Variants in ERC1 observed in about 807,000 individuals in gnomAD.
The protein encoded by ERC1 is ELKS/RAB6-interacting/CAST family member 1.
ERC1 carries 56 observed loss-of-function variants against 132.0 expected under a neutral mutation model. The ratio of observed to expected loss-of-function variants is 0.42; its 90% confidence interval spans 0.34 to 0.53. The LOEUF (loss-of-function observed/expected upper bound fraction) is 0.53, where lower values mean the gene tolerates loss of function less well. Among genes scored for constraint, ERC1 ranks in the 20% least tolerant of loss-of-function variants. ERC1 has a pLI of 0.03. For synonymous variants in ERC1, 478 were observed against 476.1 expected, an observed-to-expected ratio of 1.00 and a Z score of -0.05; for missense variants, 1,202 against 1,349.9, an observed-to-expected ratio of 0.89 and a Z score of 1.72.
chr12:1,381,543 T>A (rs2088669810), intron 16 of ERC1, among the ~76,000 whole-genome samples: 1 of 152,196 alleles, frequency 6.6e-6, no homozygotes, highest in Admixed American at 6.5e-5. Flanking sequence ...GTTAATCTTT[T>A]AAAAATTATT....
At chr12:1,013,952 T>C (rs1224108866) in intron 1 of ERC1, among the ~76,000 whole-genome samples, 1 of 151,974 alleles carries the variant, frequency 6.6e-6, no homozygotes, top group Non-Finnish European at 1.5e-5. Context: ...CCCAGGCTGA[T>C]CTGAAGTGAT....
intron 12 of ERC1, among the ~76,000 whole-genome samples, chr12:1,216,238 T>G (rs1306425843): frequency 2.0e-5 from 3 of 152,202 alleles, no homozygotes; most frequent in Non-Finnish European, 4.4e-5. Context: ...CCCATTTGAT[T>G]TAATGATTTT....
chr12:1,377,061 ACTTG>A (rs2088019993), intron 16 of ERC1, among the ~76,000 whole-genome samples: 1 of 152,136 alleles, frequency 6.6e-6, no homozygotes. Context: ...TGTGTATTTT[ACTTG>A]CTTAATCCTC....
chr12:1,364,976 A>C (rs141311211), intron 15 of ERC1, among the ~76,000 whole-genome samples: 3 of 152,294 alleles, frequency 2.0e-5, no homozygotes, highest in Non-Finnish European at 4.4e-5. Flanking sequence ...TTTAGTAACA[A>C]TTGTGCCCTC....
intron 14 of ERC1, among the ~76,000 whole-genome samples, chr12:1,284,101 C>G (rs905047801): frequency 6.6e-6 from 1 of 152,188 alleles, no homozygotes; most frequent in African/African-American, 2.4e-5. Flanking sequence ...ATTCTGTTCA[C>G]TATCTCCATG....
intron 8 of ERC1, chr12:1,152,206 GA>G (rs35431114): frequency 0.29 from 34,083 of 117,152 alleles, 4,092 homozygotes; most frequent in Non-Finnish European, 0.33. Flanking sequence ...GTATCAAAAA[GA>G]AAAAAAAAAA....
At chr12:1,440,712 A>G (rs895184417) in intron 17 of ERC1, among the ~76,000 whole-genome samples, 7 of 142,568 alleles carry the variant, frequency 4.9e-5, no homozygotes, top group Non-Finnish European at 9.0e-5. Context: ...CAGTGGTGTG[A>G]TCTCAGCTCA....
intron 15 of ERC1, among the ~76,000 whole-genome samples, chr12:1,291,258 G>A (rs2079431234): frequency 6.6e-6 from 1 of 152,156 alleles, no homozygotes; most frequent in South Asian, 2.1e-4. Context: ...GATATGTCTT[G>A]GAAGTAATGT....
chr12:1,480,749 G>A (rs896929763), intron 18 of ERC1: 2 of 687,884 alleles, frequency 2.9e-6, no homozygotes, highest in African/African-American at 1.8e-5. Flanking sequence ...TGTGGGTAGT[G>A]GGCAGGGGGT....
chr12:1,227,951 C>T (rs73593989), intron 12 of ERC1, among the ~76,000 whole-genome samples: 25,219 of 152,056 alleles, frequency 0.17, 2,998 homozygotes, highest in African/African-American at 0.33. Flanking sequence ...TTATCAAAGA[C>T]CAATTAACTG....
intron 5 of ERC1, among the ~76,000 whole-genome samples, chr12:1,111,855 C>T (rs1418229765): frequency 6.6e-6 from 1 of 152,112 alleles, no homozygotes; most frequent in Non-Finnish European, 1.5e-5. Context: ...GATCCTCCTG[C>T]CTTGGCCTCC....
intron 17 of ERC1, among the ~76,000 whole-genome samples, chr12:1,440,411 T>C (rs1385010442): frequency 2.0e-5 from 3 of 151,156 alleles, no homozygotes; most frequent in South Asian, 2.1e-4. Flanking sequence ...TTTCACCGTG[T>C]TAGCCAGGAT....
intron 17 of ERC1, among the ~76,000 whole-genome samples, chr12:1,440,269 ATC>A: frequency 7.7e-6 from 1 of 129,744 alleles, no homozygotes; most frequent in African/African-American, 3.1e-5. Context: ...CAGTGGTGCC[ATC>A]TCGGCTCACT....
At chr12:1,463,506 A>G (rs954781220) in intron 18 of ERC1, among the ~76,000 whole-genome samples, 1 of 151,976 alleles carries the variant, frequency 6.6e-6, no homozygotes, top group Non-Finnish European at 1.5e-5. Flanking sequence ...TCTTTTTGTG[A>G]TGTTTGAACT....
At chr12:1,424,063 TTAA>T (rs140619943) in intron 17 of ERC1, among the ~76,000 whole-genome samples, 7,644 of 152,198 alleles carry the variant, frequency 0.05, 251 homozygotes, top group East Asian at 0.094. Context: ...TGTTTCTTTT[TTAA>T]TAATCTATTT....
intron 1 of ERC1, among the ~76,000 whole-genome samples, chr12:1,025,387 G>A (rs1349479423): frequency 6.6e-6 from 1 of 151,916 alleles, no homozygotes; most frequent in African/African-American, 2.4e-5. Flanking sequence ...TTATACTTAT[G>A]TTCACTGTAT....
intron 18 of ERC1, among the ~76,000 whole-genome samples, chr12:1,470,428 G>GT (rs1266216212): frequency 6.7e-6 from 1 of 150,328 alleles, no homozygotes; most frequent in Non-Finnish European, 1.5e-5. Context: ...CTTATTAGTT[G>GT]TTTGGGTTTG....
intron 2 of ERC1, among the ~76,000 whole-genome samples, chr12:1,033,735 T>C (rs1968527475): frequency 6.6e-6 from 1 of 152,086 alleles, no homozygotes; most frequent in Non-Finnish European, 1.5e-5. Flanking sequence ...GTTCAAGCGA[T>C]TCTCCTGCCT....
chr12:1,289,102 C>T (rs1316960936), intron 14 of ERC1, among the ~76,000 whole-genome samples: 13 of 143,560 alleles, frequency 9.1e-5, no homozygotes, highest in African/African-American at 3.4e-4. Context: ...CACACACACA[C>T]ACACACACAC....
Sources: allele counts gnomAD v4.1 joint callset (sites outside exome capture counted in the v4.1 genomes callset), GRCh38; gene constraint gnomAD v4.1.1; transcripts MANE v1.5; gene names NCBI Gene and HGNC (gene_info 2026-07-23, HGNC 2026-07-21).